The following UTP20 variants were observed in gnomAD, a reference collection of about 807,000 sequenced individuals.
The protein encoded by UTP20 is small subunit processome component 20 homolog.
A neutral mutation model predicts 329.5 loss-of-function variants in UTP20; 164 were observed. The ratio of observed to expected loss-of-function variants is 0.50; its 90% CI spans 0.44 to 0.57. The LOEUF is 0.57. UTP20 is among the 20% of genes least tolerant of loss of function. UTP20 has a pLI of 0.00. For synonymous variants in UTP20, 1,151 were observed against 1,159.3 expected, an observed-to-expected ratio of 0.99 and a Z score of 0.14; for missense variants, 3,055 against 3,284.2, an observed-to-expected ratio of 0.93 and a Z score of 1.71.
At chr12:101,295,067 A>T (rs76479240) in intron 11 of UTP20, among the ~76,000 whole-genome samples, 344 of 152,252 alleles carry the variant, frequency 2.3e-3, no homozygotes, top group African/African-American at 7.6e-3. Context: ...TGCCCAGTGC[A>T]CAAATGTTGT....
chr12:101,369,715 T>C lies in UTP20; in HGVS notation c.6385-6T>C. 2 of 1,502,602 alleles carry C rather than the reference T, an allele frequency of 1.3e-6. No individual in the cohort carries two copies. Among genetic ancestry groups the C allele is most frequent in the Non-Finnish European group, 1.9e-6 (2 of 1,079,722 alleles). 93.1% of individuals were successfully genotyped at this position (1,502,602 alleles called of 1,614,324 possible). A position where few individuals can be genotyped will look rare whatever the true frequency, so the allele number is the denominator to read the frequency against. Reference sequence around the variant, plus strand: ...AGTTGGTGGTGTTTTGTTTTGTTTTTTTCAGGTGATCACAGGTGCTTTACA... The same window carrying C: ...AGTTGGTGGTGTTTTGTTTTGTTTTCTTCAGGTGATCACAGGTGCTTTACA... On this transcript the variant is annotated splice_polypyrimidine_tract_variant and splice_region_variant and intron_variant, in intron 48 of 61. Coordinates refer to ENST00000261637, the MANE Select transcript of UTP20 (RefSeq NM_014503.3).
At chr12:101,372,167 G>T (rs767822729) in intron 51 of UTP20, among the ~76,000 whole-genome samples, 4 of 152,186 alleles carry the variant, frequency 2.6e-5, no homozygotes, top group Non-Finnish European at 5.9e-5. Context: ...AGAAGAAACG[G>T]TATCCCCATT....
intron 2 of UTP20, among the ~76,000 whole-genome samples, chr12:101,283,654 G>T (rs1340189037): frequency 6.6e-6 from 1 of 152,056 alleles, no homozygotes; most frequent in East Asian, 1.9e-4. Context: ...TTTTCTTTCT[G>T]CCTTAAAGGA....
At chr12:101,292,413 T>G (rs1263004261) in intron 10 of UTP20, among the ~76,000 whole-genome samples, 2 of 152,242 alleles carry the variant, frequency 1.3e-5, no homozygotes, top group Non-Finnish European at 2.9e-5. Context: ...GAGCTGGCTA[T>G]TCCAGGGTAA....
intron 27 of UTP20, among the ~76,000 whole-genome samples, chr12:101,331,052 T>A (rs1868742226): frequency 6.6e-6 from 1 of 152,242 alleles, no homozygotes; most frequent in African/African-American, 2.4e-5. Flanking sequence ...TTGAAAATTG[T>A]TGGTTTTGAG....
At chr12:101,335,754 A>G (rs1005760798) in intron 29 of UTP20, among the ~76,000 whole-genome samples, 1 of 152,128 alleles carries the variant, frequency 6.6e-6, no homozygotes, top group Non-Finnish European at 1.5e-5. Flanking sequence ...TCTTCATGTT[A>G]CTAGTCTTCA....
In UTP20 at chr12:101,306,712, C is replaced by T; in HGVS notation, c.1946C>T (p.Thr649Ile). The change falls in exon 17 of 62, where the codon ACA becomes ATA. Residue 649 changes from threonine to isoleucine, a missense_variant. Thr to Ile is a moderately conservative substitution (Grantham distance 89). This residue lies in a region of UTP20 where 2,445 missense variants were observed against 2,575.5 expected (regional missense o/e 0.95). Transcript: ENST00000261637. ...STGVSKIRLL[T>I]IRILNHFDVQ... The stretch of plus-strand genomic sequence containing the variant: ...TACTTTCTCCAGATTCGGCTTTTGA[C>T]AATAAGGATCCTAAACCATTTTGAT... 1 of 1,603,144 alleles carries T rather than the reference C, an allele frequency of 6.2e-7. No individual in the cohort carries two copies. Among genetic ancestry groups the T allele is most frequent in the South Asian group, 1.1e-5 (1 of 88,544 alleles).
chr12:101,376,623 A>G (rs1870482125), intron 56 of UTP20, among the ~76,000 whole-genome samples: 1 of 151,992 alleles, frequency 6.6e-6, no homozygotes, highest in East Asian at 1.9e-4. Context: ...AAACTGTTTT[A>G]TAATCTTATG....
intron 25 of UTP20, among the ~76,000 whole-genome samples, chr12:101,323,320 T>TTCCTA (rs1249274276): frequency 6.6e-6 from 1 of 152,220 alleles, no homozygotes; most frequent in Non-Finnish European, 1.5e-5. Context: ...ATTGATGGAT[T>TTCCTA]AGAATAGATT....
Position 101,302,519 on chromosome 12 carries a change from T to C in UTP20, c.1747T>C (p.Leu583=). The C allele has an allele frequency of 1.9e-6, 3 of 1,611,200 alleles. No individual in the cohort carries two copies. The South Asian group carries it at 3.3e-5, about 18-fold the overall frequency. ...GGAAGAATCTTCTGAACTTCTTCATTTGGTTCCTGTGGAACGTGTGAAGAA... is the reference window on the plus strand; with the variant it reads ...GGAAGAATCTTCTGAACTTCTTCATCTGGTTCCTGTGGAACGTGTGAAGAA... ...SLEESSELLH[L]VPVERVKNLV... is the part of the protein sequence containing the mutation. The change falls in exon 15 of 62, where the codon TTG becomes CTG. Residue 583 remains leucine (L), a synonymous_variant. Coordinates refer to ENST00000261637, the MANE Select transcript of UTP20 (RefSeq NM_014503.3).
Position 101,338,903 on chromosome 12 carries a change from TGAAAAA to T in UTP20, c.3969_3974del (p.Lys1323_Lys1324del). 3.7e-6 allele frequency: 6 copies of T among 1,611,338 alleles called. No individual in the cohort carries two copies. The highest frequency in any genetic ancestry group is 2.2e-5 in the South Asian group (2 of 90,636). On this transcript the variant is annotated inframe_deletion, in exon 31 of 62. Coordinates refer to ENST00000261637, the MANE Select transcript of UTP20 (RefSeq NM_014503.3). ...AAAACCACAATAAGCGCAGAAAAGG[TGAAAAA>T]GAAAAAGAATAGAGCACAAGTCAGT...
chr12:101,371,917 A>G (rs1387230968), intron 51 of UTP20, among the ~76,000 whole-genome samples: 1 of 152,150 alleles, frequency 6.6e-6, no homozygotes, highest in East Asian at 1.9e-4. Flanking sequence ...TACATCTGTC[A>G]ATCTCTAATT....
chr12:101,364,709 A>G (rs1017922621), intron 45 of UTP20, among the ~76,000 whole-genome samples: 1 of 152,228 alleles, frequency 6.6e-6, no homozygotes, highest in African/African-American at 2.4e-5. Context: ...ATCTATTGAC[A>G]TGAATTACAT....
chr12:101,313,167 T>G (rs1043906190), intron 21 of UTP20, among the ~76,000 whole-genome samples: 5 of 152,156 alleles, frequency 3.3e-5, no homozygotes, highest in African/African-American at 1.2e-4. Context: ...GGGTGTGGTG[T>G]GCAGAACATT....
At chr12:101,340,937 C>CTTTTT (rs71091488) in intron 32 of UTP20, among the ~76,000 whole-genome samples, 8 of 83,022 alleles carry the variant, frequency 9.6e-5, no homozygotes, top group South Asian at 4.5e-4. Flanking sequence ...ATTGTGTAAT[C>CTTTTT]TTTTTTTTTT....
chr12:101,328,857 A>T (rs1868654629), intron 26 of UTP20, among the ~76,000 whole-genome samples: 2 of 144,134 alleles, frequency 1.4e-5, no homozygotes, highest in African/African-American at 5.1e-5. Flanking sequence ...CGACAGAGTG[A>T]GACTCTGTCT....
In UTP20 at chr12:101,312,094, G is replaced by A; in HGVS notation, c.2370G>A (p.Glu790=). The change falls in exon 21 of 62, where the codon GAG becomes GAA. Residue 790 remains glutamate (E), a synonymous_variant. Coordinates refer to ENST00000261637, the MANE Select transcript of UTP20 (RefSeq NM_014503.3). ...DEKSVGDESW[E]QTQEGDVGAL... is the part of the protein sequence containing the mutation. Reference sequence around the variant, plus strand: ...AGTCCGTTGGAGATGAAAGTTGGGAGCAGACCCAGGAAGGAGATGTTGGAG... The same window carrying A: ...AGTCCGTTGGAGATGAAAGTTGGGAACAGACCCAGGAAGGAGATGTTGGAG... 6.2e-7 allele frequency: 1 copy of A among 1,614,218 alleles called. No homozygotes were observed. The highest frequency in any genetic ancestry group is 1.1e-5 in the South Asian group (1 of 91,084).
chr12:101,312,942 A>C (rs1872841998), intron 21 of UTP20, among the ~76,000 whole-genome samples: 1 of 152,224 alleles, frequency 6.6e-6, no homozygotes, highest in South Asian at 2.1e-4. Context: ...TGATTCATGT[A>C]GAAAGGCCTT....
At chr12:101,332,705 T>G (rs1439670732) in intron 27 of UTP20, among the ~76,000 whole-genome samples, 1 of 152,194 alleles carries the variant, frequency 6.6e-6, no homozygotes, top group Admixed American at 6.5e-5. Context: ...TTCCTATCCC[T>G]TGACTCAGTC....
Sources: gnomAD v4.1 joint callset for allele counts (sites outside exome capture counted in the v4.1 genomes callset) on GRCh38, gnomAD v4.1.1 for gene constraint, gnomAD v4.1.1 regional missense constraint, MANE v1.5 for transcripts, NCBI Gene and HGNC (gene_info 2026-07-23, HGNC 2026-07-21) for gene names.